DOCK1: variants seen among roughly 807,000 people sequenced by gnomAD.
The protein encoded by DOCK1 is dedicator of cytokinesis 1.
In DOCK1, 138 loss-of-function variants were observed where a neutral mutation model predicts 262.7. That is an observed-to-expected ratio of 0.53 (90% CI 0.46 to 0.61). The LOEUF is 0.61. DOCK1 is among the 20% of genes least tolerant of loss of function. DOCK1 has a pLI of 0.00. For synonymous variants in DOCK1, 866 were observed against 867.4 expected, an observed-to-expected ratio of 1.00 and a Z score of 0.03; for missense variants, 1,908 against 2,370.7, an observed-to-expected ratio of 0.80 and a Z score of 4.05.
intron 25 of DOCK1, among the ~76,000 whole-genome samples, chr10:127,115,680 T>C (rs780463893): frequency 6.6e-6 from 1 of 152,248 alleles, no homozygotes; most frequent in Non-Finnish European, 1.5e-5. Flanking sequence ...ATTAATGTTA[T>C]AGAAATTGGA....
chr10:127,302,917 A>C (rs966037982), intron 29 of DOCK1, among the ~76,000 whole-genome samples: 2 of 152,192 alleles, frequency 1.3e-5, no homozygotes, highest in African/African-American at 4.8e-5. Flanking sequence ...AAGATGCCTC[A>C]TTCTTTGAAT....
intron 30 of DOCK1, 62 bp downstream of exon 30, chr10:127,339,146 G>A (rs367894705): frequency 8.7e-6 from 12 of 1,380,446 alleles, no homozygotes; most frequent in Middle Eastern, 1.7e-4. Context: ...TTGCTGGTCC[G>A]AGCCAGTATC....
Position 127,444,180 on chromosome 10 carries a change from A to G in DOCK1, c.5314A>G (p.Ser1772Gly), listed in dbSNP as rs765629500. 1.2e-6 allele frequency: 2 copies of G among 1,600,340 alleles called. No individual in the cohort carries two copies. Among genetic ancestry groups the G allele is most frequent in the East Asian group, 2.3e-5 (1 of 43,756 alleles). The change falls in exon 50 of 52, where the codon AGC becomes GGC. Residue 1772 changes from serine to glycine, a missense_variant. Transcript: ENST00000623213. ...GAGCCAGGTGATGAACGTCATTGGA[A>G]GCGAAAGGCGCTTCTCGGTGTCCCC... is the stretch of plus-strand genomic sequence containing the variant. ...PKSQVMNVIG[S>G]ERRFSVSPSS...
Position 127,409,669 on chromosome 10 carries a change from G to C in DOCK1, c.4343+278G>C, listed in dbSNP as rs370861207. On this transcript the variant is annotated intron_variant, in intron 42 of 51. Coordinates refer to ENST00000623213, the MANE Select transcript of DOCK1 (RefSeq NM_001290223.2). The stretch of plus-strand genomic sequence containing the variant: ...CCTAAGAGGGCAGTGGAGGCCGTCT[G>C]GTCTCCTTTATAGACCTGCCCTGTG... 3.0e-4 allele frequency among the ~76,000 whole-genome samples: 46 copies of C among 152,280 alleles called. No individual in the cohort carries two copies. The South Asian group carries it at 9.5e-3, about 32-fold the overall frequency.
intron 30 of DOCK1, among the ~76,000 whole-genome samples, chr10:127,339,695 TTGTG>T (rs112206811): frequency 1.3e-3 from 140 of 109,850 alleles, no homozygotes; most frequent in African/African-American, 3.1e-3. Context: ...CTGGCCTGAT[TTGTG>T]TGTGTGTGTG....
chr10:127,006,902 T>A (rs1209659763), intron 10 of DOCK1, among the ~76,000 whole-genome samples: 1 of 152,046 alleles, frequency 6.6e-6, no homozygotes, highest in Non-Finnish European at 1.5e-5. Context: ...CAGACTCCCT[T>A]GGTTCTGGCT....
At chr10:127,216,110 G>A (rs752994843) in intron 27 of DOCK1, among the ~76,000 whole-genome samples, 1 of 152,134 alleles carries the variant, frequency 6.6e-6, no homozygotes, top group Non-Finnish European at 1.5e-5. Context: ...ATCCCCAGGA[G>A]GTAGGGAAGG....
intron 13 of DOCK1, chr10:127,019,096 GCAAATGT>G: frequency 4.3e-6 from 2 of 469,426 alleles, no homozygotes; most frequent in Non-Finnish European, 7.5e-6. Context: ...TGGGCACCCA[GCAAATGT>G]CTGGGTAGAC....
rs2489384 is a variant in DOCK1 at position 127,176,452 on chromosome 10, A to C, written c.2847+48688A>C. On this transcript the variant is annotated intron_variant, in intron 27 of 51. Transcript: ENST00000623213. The surrounding 1 kb of genome is among the most constrained non-coding windows in gnomAD (Gnocchi z 4.4). ...GTCAGTGGGACAGAAATACACACTCAAGCACCGGCCGCACAAACTTTTAGC... is the reference window on the plus strand; with the variant it reads ...GTCAGTGGGACAGAAATACACACTCCAGCACCGGCCGCACAAACTTTTAGC... 0.02 allele frequency: 29,131 copies of C among 1,457,420 alleles called. 356 individuals carry two copies. Among genetic ancestry groups the C allele is most frequent in the Non-Finnish European group, 0.024 (25,746 of 1,080,078 alleles). 90.3% of individuals were successfully genotyped at this position (1,457,420 alleles called of 1,614,324 possible). A position where few individuals can be genotyped will look rare whatever the true frequency, so the allele number is the denominator to read the frequency against.
intron 21 of DOCK1, among the ~76,000 whole-genome samples, chr10:127,045,322 C>T (rs1202463980): frequency 2.0e-5 from 3 of 151,822 alleles, no homozygotes; most frequent in South Asian, 2.1e-4. Flanking sequence ...GGCAACCTCA[C>T]GTGGTTCCTC....
chr10:127,227,778 C>A (rs754598356), intron 27 of DOCK1, among the ~76,000 whole-genome samples: 20 of 152,206 alleles, frequency 1.3e-4, no homozygotes, highest in East Asian at 7.7e-4. Context: ...TGGCTGAAAT[C>A]AAAATGAAAC....
intron 29 of DOCK1, among the ~76,000 whole-genome samples, chr10:127,292,259 C>A (rs1230127413): frequency 6.6e-6 from 1 of 152,092 alleles, no homozygotes; most frequent in East Asian, 1.9e-4. Flanking sequence ...TGAAAATGCC[C>A]ATCCAGACAC....
intron 26 of DOCK1, 95 bp from the exon 27 acceptor site, chr10:127,127,574 A>T: frequency 2.1e-6 from 2 of 946,858 alleles, no homozygotes; most frequent in Non-Finnish European, 3.2e-6. Context: ...TAATTGATTT[A>T]CTCTTTACAG....
At chr10:127,428,273 T>A (rs2068949460) in intron 47 of DOCK1, among the ~76,000 whole-genome samples, 1 of 152,242 alleles carries the variant, frequency 6.6e-6, no homozygotes, top group Non-Finnish European at 1.5e-5. Context: ...CACAGAAAGC[T>A]GTCTGGCTCA....
At chr10:127,123,272 A>G (rs1051627994) in intron 25 of DOCK1, among the ~76,000 whole-genome samples, 1 of 57,256 alleles carries the variant, frequency 1.7e-5, no homozygotes, top group Admixed American at 1.9e-4. Flanking sequence ...GTTTCTTGGA[A>G]ATTCAGCTTG....
intron 46 of DOCK1, among the ~76,000 whole-genome samples, chr10:127,425,051 TCTG>T (rs143564416): frequency 0.074 from 11,248 of 152,326 alleles, 527 homozygotes; most frequent in Non-Finnish European, 0.1. Context: ...TACTAATAAA[TCTG>T]CTCATTTAGA....
At chr10:127,001,097 A>G (rs1189512360) in intron 10 of DOCK1, 1 of 152,190 alleles carries the variant, frequency 6.6e-6, no homozygotes, top group Non-Finnish European at 1.5e-5. Flanking sequence ...TCTCTCTTTT[A>G]TGGTTGCAGT....
intron 37 of DOCK1, 46 bp downstream of exon 37, chr10:127,381,414 T>C: frequency 6.5e-7 from 1 of 1,544,292 alleles, no homozygotes; most frequent in Admixed American, 1.8e-5. Flanking sequence ...TGTTATAAAT[T>C]CTAACAATAT....
intron 33 of DOCK1, among the ~76,000 whole-genome samples, chr10:127,362,514 T>A (rs1465066970): frequency 1.3e-5 from 2 of 152,238 alleles, no homozygotes; most frequent in Non-Finnish European, 2.9e-5. Flanking sequence ...TGGTACGTGC[T>A]CTTGTAGAGC....
Sources: allele counts gnomAD v4.1 joint callset (sites outside exome capture counted in the v4.1 genomes callset), GRCh38; gene constraint gnomAD v4.1.1; non-coding constraint Gnocchi (gnomAD v3.1); transcripts MANE v1.5; gene names NCBI Gene and HGNC (gene_info 2026-07-23, HGNC 2026-07-21).